The following MPDZ variants were observed in gnomAD, a reference collection of about 807,000 sequenced individuals.
The protein encoded by MPDZ is multiple PDZ domain protein.
MPDZ carries 234 observed loss-of-function variants against 239.1 expected under a neutral mutation model. The ratio of observed to expected loss-of-function variants is 0.98; its 90% CI spans 0.88 to 1.09. MPDZ has a LOEUF of 1.09. MPDZ is among the 50% of genes least tolerant of loss of function. The pLI, the probability that MPDZ is intolerant of heterozygous loss-of-function variation, is 0.00. For synonymous variants in MPDZ, 1,048 were observed against 881.3 expected (o/e 1.19, Z -3.35); for missense variants, 3,175 against 2,510.0 (o/e 1.26, Z -5.66).
At chr9:13,156,504 G>C (rs934685990) in intron 24 of MPDZ, among the ~76,000 whole-genome samples, 6 of 152,138 alleles carry the variant, frequency 3.9e-5, no homozygotes, top group African/African-American at 1.4e-4. Flanking sequence ...CTTGTGCAGG[G>C]CAACTCCCGT....
At chr9:13,155,446 C>T (rs928275010) in intron 24 of MPDZ, among the ~76,000 whole-genome samples, 1 of 151,948 alleles carries the variant, frequency 6.6e-6, no homozygotes, top group Non-Finnish European at 1.5e-5. Flanking sequence ...AATGAATAAA[C>T]TATGGTATAT....
chr9:13,193,132 A>G, intron 14 of MPDZ, 35 bp downstream of exon 14: 1 of 1,440,818 alleles, frequency 6.9e-7, no homozygotes. Context: ...TCCATGTCTT[A>G]TTTAAGGAGG....
chr9:13,195,012 G>T (rs1483557975), intron 13 of MPDZ, among the ~76,000 whole-genome samples: 1 of 152,054 alleles, frequency 6.6e-6, no homozygotes, highest in Non-Finnish European at 1.5e-5. Context: ...TTATAGCAAG[G>T]TGCAGTGGTG....
At chr9:13,262,990 C>T (rs548384039) in intron 1 of MPDZ, among the ~76,000 whole-genome samples, 12 of 151,928 alleles carry the variant, frequency 7.9e-5, no homozygotes, top group Non-Finnish European at 1.6e-4. Context: ...TAGCCGCATA[C>T]GGGGGGACTC....
chr9:13,231,161 T>C (rs1405163352), intron 3 of MPDZ, among the ~76,000 whole-genome samples: 1 of 151,028 alleles, frequency 6.6e-6, no homozygotes, highest in Non-Finnish European at 1.5e-5. Context: ...GCATTGGGAA[T>C]AAAAAAAAGG....
chr9:13,216,918 C>G (rs1958423676), intron 9 of MPDZ, 56 bp from the exon 10 acceptor site: 1 of 1,335,706 alleles, frequency 7.5e-7, no homozygotes, highest in East Asian at 2.4e-5. Flanking sequence ...CAAAGAATAT[C>G]CATCTTCGAT....
chr9:13,187,762 G>GAAAACGTGTACCTGCCTTTTC (rs34307097), intron 17 of MPDZ, among the ~76,000 whole-genome samples: 1 of 152,034 alleles, frequency 6.6e-6, no homozygotes, highest in Non-Finnish European at 1.5e-5. Flanking sequence ...ATTTTCTTAA[G>GAAAACGTGTACCTGCCTTTTC]ACTTCAAACT....
At chr9:13,186,179 GAATAT>G in intron 18 of MPDZ, 86 bp downstream of exon 18, 1 of 595,506 alleles carries the variant, frequency 1.7e-6, no homozygotes, top group Non-Finnish European at 2.6e-6. Context: ...AATGAACAAA[GAATAT>G]AATAGACTTC....
chr9:13,214,330 AT>A (rs1443366067), intron 10 of MPDZ, among the ~76,000 whole-genome samples: 1 of 152,064 alleles, frequency 6.6e-6, no homozygotes, highest in Non-Finnish European at 1.5e-5. Context: ...AAAGAACCAC[AT>A]CTTGTATGAT....
intron 38 of MPDZ, among the ~76,000 whole-genome samples, chr9:13,121,231 A>C (rs1311160199): frequency 6.6e-6 from 1 of 152,084 alleles, no homozygotes; most frequent in African/African-American, 2.4e-5. Context: ...TAATAAACCA[A>C]TACTCACTTA....
intron 10 of MPDZ, among the ~76,000 whole-genome samples, chr9:13,214,570 A>G (rs181259805): frequency 6.6e-6 from 1 of 152,186 alleles, no homozygotes; most frequent in African/African-American, 2.4e-5. Flanking sequence ...ATTGTATGGT[A>G]TGTGAATTAC....
At chr9:13,269,740 C>T (rs1233296737) in intron 1 of MPDZ, among the ~76,000 whole-genome samples, 1 of 152,176 alleles carries the variant, frequency 6.6e-6, no homozygotes, top group Non-Finnish European at 1.5e-5. Context: ...CTGTCTAAAT[C>T]CGCTGATAAG....
chr9:13,172,103 C>A (rs1951849085), intron 21 of MPDZ, among the ~76,000 whole-genome samples: 1 of 152,154 alleles, frequency 6.6e-6, no homozygotes, highest in South Asian at 2.1e-4. Flanking sequence ...CTATAGAAAT[C>A]TGAACATTTA....
chr9:13,240,002 G>C (rs778243853), intron 3 of MPDZ, among the ~76,000 whole-genome samples: 2 of 151,928 alleles, frequency 1.3e-5, no homozygotes, highest in Non-Finnish European at 2.9e-5. Context: ...TTCTTATCAA[G>C]GTATGCTGAA....
chr9:13,115,805 C>T (rs1201053978), intron 39 of MPDZ, among the ~76,000 whole-genome samples: 7 of 151,874 alleles, frequency 4.6e-5, no homozygotes, highest in South Asian at 4.2e-4. Context: ...AATAGCTGGG[C>T]GTGGTGGCAG....
At chr9:13,228,388 TA>T (rs1325201340) in intron 3 of MPDZ, among the ~76,000 whole-genome samples, 1 of 152,140 alleles carries the variant, frequency 6.6e-6, no homozygotes, top group Non-Finnish European at 1.5e-5. Context: ...AAGGGCAAAC[TA>T]AAACACCTTC....
rs1588288821 is a variant in MPDZ, at chr9:13,277,402, T to C, written c.-58+1998A>G. Among the ~76,000 whole-genome samples, 3 of 152,178 alleles carry C rather than the reference T, an allele frequency of 2.0e-5. No homozygotes were observed. In the East Asian group the frequency reaches 5.8e-4, roughly 29 times the overall value. ...AATAATCTTCATTAGTTTGTTTGTTTTGGCAAATGAGATAGGGAAGAAGAA... is the reference window on the plus strand; with the variant it reads ...AATAATCTTCATTAGTTTGTTTGTTCTGGCAAATGAGATAGGGAAGAAGAA... On this transcript the variant is annotated intron_variant, in intron 1 of 46. Coordinates refer to ENST00000319217, the MANE Select transcript of MPDZ (RefSeq NM_001378778.1).
chr9:13,239,466 G>T (rs1814859152), intron 3 of MPDZ, among the ~76,000 whole-genome samples: 1 of 152,060 alleles, frequency 6.6e-6, no homozygotes, highest in Admixed American at 6.6e-5. Flanking sequence ...ACAGTTCTGG[G>T]CACACAGTAA....
At chr9:13,111,750 T>C (rs185839521) in intron 43 of MPDZ, among the ~76,000 whole-genome samples, 125 of 152,362 alleles carry the variant, frequency 8.2e-4, no homozygotes, top group African/African-American at 2.6e-3. Flanking sequence ...CTTTCTGTTC[T>C]CTTTTAGCTT....
Sources: gnomAD v4.1 joint callset for allele counts (sites outside exome capture counted in the v4.1 genomes callset) on GRCh38, gnomAD v4.1.1 for gene constraint, MANE v1.5 for transcripts, NCBI Gene and HGNC (gene_info 2026-07-23, HGNC 2026-07-21) for gene names.